LCOR: variants seen among roughly 807,000 people sequenced by gnomAD.
The protein encoded by LCOR is ligand dependent nuclear receptor corepressor.
LCOR carries 14 observed loss-of-function variants against 64.4 expected under a neutral mutation model. That is an observed-to-expected ratio of 0.22 (90% CI 0.14 to 0.34). The LOEUF (loss-of-function observed/expected upper bound fraction) is 0.34. Among genes scored for constraint, LCOR ranks in the 10% least tolerant of loss-of-function variants. LCOR has a pLI of 1.00. For synonymous variants in LCOR, 643 were observed against 642.5 expected, an observed-to-expected ratio of 1.00 and a Z score of -0.01; for missense variants, 1,686 against 1,765.3, an observed-to-expected ratio of 0.96 and a Z score of 0.80.
intron 2 of LCOR, among the ~76,000 whole-genome samples, chr10:96,869,358 A>G (rs1440971277): frequency 3.3e-5 from 5 of 151,836 alleles, no homozygotes; most frequent in Non-Finnish European, 7.4e-5. Flanking sequence ...TATTACAGGC[A>G]TGTGCTACCA....
At position 96,987,652 on chromosome 10, in the gene LCOR, T is replaced by C. The variant is rs1232038997; in HGVS notation, c.*2518T>C. 4.6e-5 allele frequency: 7 copies of C among 152,346 alleles called. No individual in the cohort carries two copies. Among genetic ancestry groups the C allele is most frequent in the East Asian group, 1.9e-4 (1 of 5,190 alleles). 9.4% of individuals were successfully genotyped at this position (152,346 alleles called of 1,614,324 possible). ...AATAGACCAAGAGTCTACATAATTA[T>C]GACACTTAAAAGTTTAGAATTTTTT... On this transcript the variant is annotated 3_prime_UTR_variant, in exon 8 of 8. Coordinates refer to ENST00000421806, the MANE Select transcript of LCOR (RefSeq NM_001346516.2).
chr10:96,927,196 A>G (rs1489833221), intron 4 of LCOR, among the ~76,000 whole-genome samples: 2 of 152,158 alleles, frequency 1.3e-5, no homozygotes, highest in Non-Finnish European at 2.9e-5. Flanking sequence ...TCTTTTTAAC[A>G]TAAGCCATTC....
rs187884033 is a variant in LCOR at position 96,903,831 on chromosome 10, T to C, written c.-329-3434T>C. Among the ~76,000 whole-genome samples the C allele has an allele frequency of 5.9e-4, 90 of 152,284 alleles. 1 individual carries two copies. The highest frequency in any genetic ancestry group is 2.1e-3 in the African/African-American group (86 of 41,560). ...GAAGCTAATCAGGCATGTGAAGCCTTTCTGTGAGAGAAACATTGTTCCTAT... is the reference window on the plus strand; with the variant it reads ...GAAGCTAATCAGGCATGTGAAGCCTCTCTGTGAGAGAAACATTGTTCCTAT... On this transcript the variant is annotated intron_variant, in intron 2 of 7. Transcript: ENST00000421806.
intron 7 of LCOR, among the ~76,000 whole-genome samples, chr10:96,966,368 A>C (rs556403870): frequency 6.6e-6 from 1 of 151,486 alleles, no homozygotes; most frequent in African/African-American, 2.4e-5. Context: ...AGCTGGGACT[A>C]CAGGCGCCCG....
Position 96,983,593 on chromosome 10 carries a change from C to T in LCOR, c.3133C>T (p.His1045Tyr). 2.5e-6 allele frequency: 4 copies of T among 1,614,204 alleles called. No homozygotes were observed. The highest frequency in any genetic ancestry group is 3.4e-6 in the Non-Finnish European group (4 of 1,180,038). ...RLTSSTYNLRHAHSLGSLDAS... is the reference protein window; with the variant it reads ...RLTSSTYNLRYAHSLGSLDAS... ...GACCTCTTCAACCTACAACCTAAGA[C>T]ACGCTCATTCTCTGGGCTCCTTGGA... The change falls in exon 8 of 8, where the codon CAC (histidine) becomes TAC (tyrosine). Residue 1045 changes from histidine (H) to tyrosine (Y), a missense_variant. His to Tyr is a moderately conservative substitution (Grantham distance 83). Around this residue, in one of 3 missense-constraint regions of LCOR, gnomAD observed 1,293 missense variants for 1,410.4 expected, o/e 0.92. Transcript: ENST00000421806. The surrounding 1 kb of genome is among the most constrained non-coding windows in gnomAD (Gnocchi z 4.5).
chr10:96,984,204 T>A lies in LCOR; in HGVS notation c.3744T>A (p.Ala1248=). The A allele has an allele frequency of 6.2e-7, 1 of 1,614,110 alleles. No individual in the cohort carries two copies. Among genetic ancestry groups the A allele is most frequent in the African/African-American group, 1.3e-5 (1 of 75,032 alleles). ...AGAAATTTCCTGGAGCTACCCCTGCTAAGAATAATTGGAAAATGCAGAAGC... is the reference window on the plus strand; with the variant it reads ...AGAAATTTCCTGGAGCTACCCCTGCAAAGAATAATTGGAAAATGCAGAAGC... ...HLKKFPGATP[A]KNNWKMQKLW... Residue 1248 remains alanine, a synonymous_variant, in exon 8 of 8, where the codon GCT becomes GCA. Transcript: ENST00000421806.
chr10:96,963,426 T>G (rs1847912162), intron 7 of LCOR: 1 of 152,240 alleles, frequency 6.6e-6, no homozygotes. Flanking sequence ...ATTCAAGCAC[T>G]GGTCCTTGGG....
At chr10:96,961,041 G>A (rs886747851) in intron 7 of LCOR, 5 of 152,090 alleles carry the variant, frequency 3.3e-5, no homozygotes, top group South Asian at 2.1e-4. Context: ...AGGAGATTGG[G>A]GTGGGGAGGG....
chr10:96,922,964 A>G (rs1356025092), intron 4 of LCOR, among the ~76,000 whole-genome samples: 1 of 152,244 alleles, frequency 6.6e-6, no homozygotes, highest in Non-Finnish European at 1.5e-5. Context: ...TCTGCTTAAC[A>G]GTCAGTGGTA....
At chr10:96,905,370 T>G (rs1034217004) in intron 2 of LCOR, among the ~76,000 whole-genome samples, 2 of 152,232 alleles carry the variant, frequency 1.3e-5, no homozygotes, top group Admixed American at 1.3e-4. Flanking sequence ...TTCCTTTAGC[T>G]ATTTGCGTTG....
At chr10:96,914,566 A>G (rs1348688241) in intron 4 of LCOR, among the ~76,000 whole-genome samples, 1 of 152,248 alleles carries the variant, frequency 6.6e-6, no homozygotes, top group African/African-American at 2.4e-5. Flanking sequence ...TCTTTATTAA[A>G]GATACTTTCG....
At chr10:96,938,664 G>GTT (rs1847394392) in intron 4 of LCOR, among the ~76,000 whole-genome samples, 1 of 151,964 alleles carries the variant, frequency 6.6e-6, no homozygotes, top group South Asian at 2.1e-4. Flanking sequence ...CACTATTAGA[G>GTT]TTTAACAAGT....
intron 2 of LCOR, among the ~76,000 whole-genome samples, chr10:96,870,147 T>C (rs1256103911): frequency 6.6e-6 from 1 of 152,052 alleles, no homozygotes; most frequent in Non-Finnish European, 1.5e-5. Context: ...CTCTGCCTCC[T>C]GAGTAGCTGG....
Position 96,988,479 on chromosome 10 carries a change from C to T in LCOR, c.*3345C>T, listed in dbSNP as rs966419861. On this transcript the variant is annotated 3_prime_UTR_variant, in exon 8 of 8. Transcript: ENST00000421806. ...CATCCCTTTACATATGTGGTGCTTT[C>T]TAATGGGATCTCTATGCATCACATA... The T allele has an allele frequency of 6.6e-6, 1 of 152,210 alleles. No individual in the cohort carries two copies. The highest frequency in any genetic ancestry group is 1.5e-5 in the Non-Finnish European group (1 of 68,054). The allele number at this position is 152,210 out of a possible 1,614,324, so 9.4% of individuals were successfully genotyped here.
intron 4 of LCOR, among the ~76,000 whole-genome samples, chr10:96,921,921 A>C (rs1039814675): frequency 6.6e-6 from 1 of 152,184 alleles, no homozygotes; most frequent in Admixed American, 6.5e-5. Flanking sequence ...TCATTAGTCT[A>C]TGTGTCTGTC....
intron 2 of LCOR, among the ~76,000 whole-genome samples, chr10:96,884,973 G>T (rs1373485737): frequency 6.6e-6 from 1 of 152,198 alleles, no homozygotes; most frequent in East Asian, 1.9e-4. Flanking sequence ...AGGGGAGTGG[G>T]TATACGTGTG....
chr10:96,841,717 A>G (rs1397483304), intron 2 of LCOR, among the ~76,000 whole-genome samples: 1 of 151,828 alleles, frequency 6.6e-6, no homozygotes, highest in East Asian at 1.9e-4. Flanking sequence ...TTCCCATGAT[A>G]ATTGCTATTA....
rs11188977 is a variant in LCOR at position 96,966,524 on chromosome 10, G to A, written c.333-14269G>A. On this transcript the variant is annotated intron_variant, in intron 7 of 7. Transcript: ENST00000421806. ...ATTACAGGCGTGAGCCACCGCGCCCGGCCAGGACTCTTAACAAACACTATT... is the reference window on the plus strand; with the variant it reads ...ATTACAGGCGTGAGCCACCGCGCCCAGCCAGGACTCTTAACAAACACTATT... Among the ~76,000 whole-genome samples the A allele has an allele frequency of 1.8e-3, 267 of 152,184 alleles. 1 individual carries two copies. Among genetic ancestry groups the A allele is most frequent in the Non-Finnish European group, 3.1e-3 (213 of 68,026 alleles).
At position 96,994,877 on chromosome 10, in the gene LCOR, G is replaced by C. The variant is rs938029982; in HGVS notation, c.*9743G>C. 4.6e-5 allele frequency: 7 copies of C among 152,208 alleles called. No individual in the cohort carries two copies. The highest frequency in any genetic ancestry group is 1.0e-4 in the Non-Finnish European group (7 of 68,042). The allele number at this position is 152,208 out of a possible 1,614,324, so 9.4% of individuals were successfully genotyped here. A position where few individuals can be genotyped will look rare whatever the true frequency, so the allele number is the denominator to read the frequency against. On this transcript the variant is annotated 3_prime_UTR_variant, in exon 8 of 8. Coordinates refer to ENST00000421806, the MANE Select transcript of LCOR (RefSeq NM_001346516.2). ...CCAAGGTCATTGGCCAATGCTGTGT[G>C]CAGGCATTGGTCATCTTTGTAAACT... is the stretch of plus-strand genomic sequence containing the variant.
Sources: gnomAD v4.1 joint callset for allele counts (sites outside exome capture counted in the v4.1 genomes callset) on GRCh38, gnomAD v4.1.1 for gene constraint, gnomAD v4.1.1 regional missense constraint, Gnocchi (gnomAD v3.1) non-coding constraint, MANE v1.5 for transcripts, NCBI Gene and HGNC (gene_info 2026-07-23, HGNC 2026-07-21) for gene names.